Variants in REC114 observed in about 807,000 individuals in gnomAD.
REC114 encodes meiotic recombination protein REC114.
A neutral mutation model predicts 31.3 loss-of-function variants in REC114; 27 were observed. The observed-to-expected ratio is 0.86, with a 90% CI of 0.64 to 1.19. REC114 has a LOEUF of 1.19. REC114 is among the 50% of genes most tolerant of loss of function. The pLI, the probability that REC114 is intolerant of heterozygous loss-of-function variation, is 0.00. For synonymous variants in REC114, 134 were observed against 127.7 expected (o/e 1.05, Z -0.33); for missense variants, 344 against 326.9 (o/e 1.05, Z -0.40).
At chr15:73,495,462 C>T (rs1400283054) in intron 2 of REC114, among the ~76,000 whole-genome samples, 1 of 143,920 alleles carries the variant, frequency 6.9e-6, no homozygotes, top group Non-Finnish European at 1.5e-5. Context: ...TAACCCAAAA[C>T]AAAACATAAA....
intron 2 of REC114, among the ~76,000 whole-genome samples, chr15:73,511,885 A>C (rs1173710745): frequency 2.0e-5 from 3 of 146,974 alleles, no homozygotes; most frequent in African/African-American, 7.7e-5. Context: ...ACTTTGGAAT[A>C]GGTGTGGTGT....
At chr15:73,481,650 CTTTTTTTTTTTTTTT>C (rs530704232) in intron 2 of REC114, among the ~76,000 whole-genome samples, 7 of 114,072 alleles carry the variant, frequency 6.1e-5, no homozygotes, top group South Asian at 2.8e-4. Context: ...TCTTAACTCC[CTTTTTTTTTTTTTTT>C]TTTTTTTTTT....
intron 2 of REC114, among the ~76,000 whole-genome samples, chr15:73,488,536 A>G (rs963295938): frequency 6.6e-6 from 1 of 152,212 alleles, no homozygotes; most frequent in Non-Finnish European, 1.5e-5. Flanking sequence ...TAAATATTCT[A>G]TTTCATTGCC....
chr15:73,484,674 A>C (rs1010508085), intron 2 of REC114, among the ~76,000 whole-genome samples: 4 of 152,242 alleles, frequency 2.6e-5, no homozygotes, highest in African/African-American at 9.6e-5. Context: ...GTTATTTCCC[A>C]AGGCTTTAGC....
intron 2 of REC114, among the ~76,000 whole-genome samples, chr15:73,521,585 C>G (rs1450839237): frequency 6.6e-6 from 1 of 151,924 alleles, no homozygotes; most frequent in African/African-American, 2.4e-5. Context: ...ATTGATGAAC[C>G]CTTACAAAGA....
chr15:73,452,733 T>C (rs1273370362), intron 1 of REC114, among the ~76,000 whole-genome samples: 1 of 152,188 alleles, frequency 6.6e-6, no homozygotes, highest in Non-Finnish European at 1.5e-5. Context: ...CTTCAAACTA[T>C]ACTACAAGTC....
At chr15:73,504,547 G>A (rs1162967359) in intron 2 of REC114, among the ~76,000 whole-genome samples, 1 of 152,066 alleles carries the variant, frequency 6.6e-6, no homozygotes, top group Non-Finnish European at 1.5e-5. Context: ...CTGCCCATAT[G>A]ATCAGAAGTT....
At chr15:73,449,049 CA>C (rs1169787806) in intron 1 of REC114, among the ~76,000 whole-genome samples, 1 of 152,074 alleles carries the variant, frequency 6.6e-6, no homozygotes, top group African/African-American at 2.4e-5. Flanking sequence ...GAAACCAGTG[CA>C]AAAAGGCTGA....
At chr15:73,488,045 C>T (rs1339190548) in intron 2 of REC114, among the ~76,000 whole-genome samples, 1 of 152,158 alleles carries the variant, frequency 6.6e-6, no homozygotes, top group Non-Finnish European at 1.5e-5. Context: ...AACTTGGGCC[C>T]ACCTTAGTCA....
At chr15:73,458,002 A>T (rs977287246) in intron 1 of REC114, among the ~76,000 whole-genome samples, 4 of 152,146 alleles carry the variant, frequency 2.6e-5, no homozygotes, top group African/African-American at 9.7e-5. Context: ...AACTTTCATC[A>T]GTCTTTTGGG....
At chr15:73,486,660 T>C (rs1893374700) in intron 2 of REC114, among the ~76,000 whole-genome samples, 1 of 152,198 alleles carries the variant, frequency 6.6e-6, no homozygotes, top group Non-Finnish European at 1.5e-5. Context: ...CTGAGGTATC[T>C]CTACTTCCAA....
intron 2 of REC114, among the ~76,000 whole-genome samples, chr15:73,505,754 G>C (rs1219851717): frequency 6.6e-6 from 1 of 152,050 alleles, no homozygotes; most frequent in Non-Finnish European, 1.5e-5. Context: ...GGATGGTCTC[G>C]ATTTCCTGAC....
At chr15:73,487,665 A>T (rs1893388973) in intron 2 of REC114, among the ~76,000 whole-genome samples, 1 of 152,200 alleles carries the variant, frequency 6.6e-6, no homozygotes, top group Non-Finnish European at 1.5e-5. Flanking sequence ...AGCAGTTCTC[A>T]TGCGTTGGAG....
intron 1 of REC114, among the ~76,000 whole-genome samples, chr15:73,450,431 C>T (rs994168680): frequency 3.9e-5 from 6 of 152,140 alleles, no homozygotes; most frequent in Non-Finnish European, 5.9e-5. Context: ...ACAAGAAGAG[C>T]TAACTATCCT....
chr15:73,556,036 A>T (rs1391113726), intron 4 of REC114, among the ~76,000 whole-genome samples: 2 of 152,178 alleles, frequency 1.3e-5, no homozygotes, highest in African/African-American at 2.4e-5. Flanking sequence ...CCAGTGTCTG[A>T]CAGGAAGAAG....
chr15:73,540,123 G>A (rs995826209), intron 2 of REC114, among the ~76,000 whole-genome samples: 3 of 152,130 alleles, frequency 2.0e-5, no homozygotes, highest in Non-Finnish European at 4.4e-5. Flanking sequence ...TAATAAATCA[G>A]TATAATGGAA....
chr15:73,538,606 G>A (rs1364349183), intron 2 of REC114, among the ~76,000 whole-genome samples: 1 of 151,664 alleles, frequency 6.6e-6, no homozygotes. Flanking sequence ...ACAGGCACCC[G>A]CCACCGCACC....
intron 2 of REC114, among the ~76,000 whole-genome samples, chr15:73,520,217 T>G (rs879558236): frequency 2.0e-5 from 3 of 152,142 alleles, no homozygotes; most frequent in African/African-American, 7.2e-5. Context: ...GTATCTCTTT[T>G]TTTTTTCGTT....
Position 73,443,211 on chromosome 15 carries a change from T to C in REC114, c.26T>C (p.Leu9Ser). Residue 9 changes from leucine (L) to serine (S), a missense_variant, in exon 1 of 6, where the codon TTG becomes TCG. Leu to Ser is a moderately radical substitution (Grantham distance 145). Coordinates refer to ENST00000331090, the MANE Select transcript of REC114 (RefSeq NM_001042367.2). ...ATGGCGGAGGCAGGAAAAGTGCCCT[T>C]GAGCCTCGGGCTTACCGGAGGAGAA... MAEAGKVP[L>S]SLGLTGGEAA... 1 of 1,574,706 alleles carries C rather than the reference T, an allele frequency of 6.4e-7. No homozygotes were observed. The highest frequency in any genetic ancestry group is 8.6e-7 in the Non-Finnish European group (1 of 1,161,110).
Sources: gnomAD v4.1 joint callset for allele counts (sites outside exome capture counted in the v4.1 genomes callset) on GRCh38, gnomAD v4.1.1 for gene constraint, MANE v1.5 for transcripts, NCBI Gene and HGNC (gene_info 2026-07-23, HGNC 2026-07-21) for gene names.